Variants in GPC6 observed in about 807,000 individuals in gnomAD.
The protein encoded by GPC6 is glypican-6.
In GPC6, 14 loss-of-function variants were observed where a neutral mutation model predicts 55.2. The observed-to-expected ratio is 0.25, with a 90% CI of 0.17 to 0.40. GPC6 has a LOEUF of 0.40. Ranked by LOEUF, GPC6 falls within the 10% of genes least tolerant of loss-of-function variation. GPC6 has a pLI of 1.00. For synonymous variants in GPC6, 278 were observed against 259.6 expected (o/e 1.07, Z -0.68); for missense variants, 641 against 708.5 (o/e 0.90, Z 1.08).
chr13:93,723,683 C>T (rs1883530126), intron 2 of GPC6, among the ~76,000 whole-genome samples: 1 of 151,982 alleles, frequency 6.6e-6, no homozygotes, highest in Admixed American at 6.6e-5. Context: ...TACCTGTAGT[C>T]AACCAAAGCA....
At chr13:93,545,897 A>T (rs983141143) in intron 2 of GPC6, among the ~76,000 whole-genome samples, 1 of 152,212 alleles carries the variant, frequency 6.6e-6, no homozygotes, top group African/African-American at 2.4e-5. Context: ...CACATTTTAC[A>T]TTGCAGTTAT....
chr13:93,902,177 T>C (rs536585548), intron 3 of GPC6, among the ~76,000 whole-genome samples: 59 of 152,228 alleles, frequency 3.9e-4, no homozygotes, highest in African/African-American at 1.3e-3. Context: ...CCAGCCTAAC[T>C]GTAACTTTGC....
chr13:93,917,004 C>G (rs917046486), intron 3 of GPC6, among the ~76,000 whole-genome samples: 1 of 152,080 alleles, frequency 6.6e-6, no homozygotes, highest in African/African-American at 2.4e-5. Context: ...CCCAAATTCG[C>G]TTTCCTTGTA....
chr13:94,349,904 G>A (rs957609421), intron 6 of GPC6, among the ~76,000 whole-genome samples: 5 of 151,962 alleles, frequency 3.3e-5, no homozygotes, highest in African/African-American at 9.7e-5. Flanking sequence ...TAACCCAGTC[G>A]GTGACGAACA....
chr13:93,288,373 A>C lies in GPC6; in HGVS notation c.160+60757A>C, dbSNP rs183040794. 2.6e-5 allele frequency among the ~76,000 whole-genome samples: 4 copies of C among 152,324 alleles called. No individual in the cohort carries two copies. The East Asian group carries it at 5.8e-4, about 22-fold the overall frequency. On this transcript the variant is annotated intron_variant, in intron 1 of 8. Transcript: ENST00000377047. ...ATTTAACACATCTGTCCAGAGGAGT[A>C]GTGAATAATGAATTACACTAATCAA...
At chr13:93,249,490 A>G (rs1417427928) in intron 1 of GPC6, among the ~76,000 whole-genome samples, 1 of 152,228 alleles carries the variant, frequency 6.6e-6, no homozygotes, top group Non-Finnish European at 1.5e-5. Flanking sequence ...CATAGGGAAC[A>G]TGAAGGCCTT....
chr13:93,403,411 C>A (rs1436664890), intron 1 of GPC6, among the ~76,000 whole-genome samples: 1 of 152,160 alleles, frequency 6.6e-6, no homozygotes, highest in Non-Finnish European at 1.5e-5. Context: ...TGTGCCTTCA[C>A]TTCCTTACTC....
At chr13:93,403,445 C>T (rs540765949) in intron 1 of GPC6, among the ~76,000 whole-genome samples, 11 of 152,290 alleles carry the variant, frequency 7.2e-5, no homozygotes, top group African/African-American at 1.7e-4. Context: ...GTTTTGACCA[C>T]GGATACCGTA....
intron 2 of GPC6, among the ~76,000 whole-genome samples, chr13:93,564,094 A>G (rs1353268741): frequency 1.3e-5 from 2 of 152,108 alleles, no homozygotes; most frequent in African/African-American, 2.4e-5. Flanking sequence ...ATTTTATTAG[A>G]TATTTTATAC....
chr13:94,013,706 T>G (rs1323886389), intron 3 of GPC6, among the ~76,000 whole-genome samples: 1 of 152,212 alleles, frequency 6.6e-6, no homozygotes, highest in East Asian at 1.9e-4. Flanking sequence ...ACACTGAATT[T>G]GTAATATACG....
chr13:94,161,486 G>A (rs1888161709), intron 4 of GPC6, among the ~76,000 whole-genome samples: 2 of 152,194 alleles, frequency 1.3e-5, no homozygotes, highest in African/African-American at 4.8e-5. Context: ...TTATTAGCAT[G>A]TTGACATATA....
chr13:93,358,598 A>G (rs892667758), intron 1 of GPC6, among the ~76,000 whole-genome samples: 12 of 152,138 alleles, frequency 7.9e-5, no homozygotes, highest in African/African-American at 2.9e-4. Context: ...TCTTGAAGCA[A>G]TTCAAATATG....
At chr13:93,688,097 A>G (rs1188277285) in intron 2 of GPC6, among the ~76,000 whole-genome samples, 23 of 152,076 alleles carry the variant, frequency 1.5e-4, no homozygotes, top group Admixed American at 1.5e-3. Context: ...TTCATTCTTT[A>G]GAAGCCATTA....
chr13:93,650,067 C>T (rs977808670), intron 2 of GPC6, among the ~76,000 whole-genome samples: 5 of 152,094 alleles, frequency 3.3e-5, no homozygotes, highest in South Asian at 2.1e-4. Context: ...TCACATGTTT[C>T]GTGATTCTCA....
intron 1 of GPC6, among the ~76,000 whole-genome samples, chr13:93,433,878 T>A (rs1004418173): frequency 7.9e-5 from 12 of 152,284 alleles, no homozygotes; most frequent in African/African-American, 2.9e-4. Flanking sequence ...AGGGCAAGGA[T>A]GCTGAGAAAC....
At chr13:93,864,032 C>T (rs954133254) in intron 3 of GPC6, among the ~76,000 whole-genome samples, 3 of 151,626 alleles carry the variant, frequency 2.0e-5, no homozygotes, top group African/African-American at 7.3e-5. Flanking sequence ...AAATGCATTG[C>T]TCTGTGATAA....
chr13:94,179,585 A>G (rs1888911950), intron 4 of GPC6, among the ~76,000 whole-genome samples: 2 of 152,208 alleles, frequency 1.3e-5, no homozygotes, highest in South Asian at 2.1e-4. Flanking sequence ...TTAAAAAAAA[A>G]TAAAAGTGAT....
At chr13:93,730,317 G>C (rs1199959032) in intron 2 of GPC6, among the ~76,000 whole-genome samples, 2 of 152,148 alleles carry the variant, frequency 1.3e-5, no homozygotes, top group Non-Finnish European at 2.9e-5. Flanking sequence ...GAATGTTCTA[G>C]CTGTTTTATA....
intron 1 of GPC6, among the ~76,000 whole-genome samples, chr13:93,448,276 C>T (rs2139297828): frequency 6.6e-6 from 1 of 152,208 alleles, no homozygotes; most frequent in South Asian, 2.1e-4. Flanking sequence ...GTATAATTTC[C>T]TTACATTATT....
Sources: allele counts gnomAD v4.1 joint callset (sites outside exome capture counted in the v4.1 genomes callset), GRCh38; gene constraint gnomAD v4.1.1; transcripts MANE v1.5; gene names NCBI Gene and HGNC (gene_info 2026-07-23, HGNC 2026-07-21).